The following ATP9A variants were observed in gnomAD, a reference collection of about 807,000 sequenced individuals.
ATP9A encodes the protein probable phospholipid-transporting ATPase IIA.
Under a neutral mutation model 144.1 loss-of-function variants are expected in ATP9A, and 52 were observed. The observed-to-expected ratio is 0.36, with a 90% CI of 0.29 to 0.45. The LOEUF (loss-of-function observed/expected upper bound fraction) is 0.45, where lower values mean the gene tolerates loss of function less well. Among genes scored for constraint, ATP9A ranks in the 20% least tolerant of loss-of-function variants. ATP9A has a pLI of 1.00. For synonymous variants in ATP9A, 582 were observed against 557.4 expected, an observed-to-expected ratio of 1.04 and a Z score of -0.62; for missense variants, 947 against 1,392.7, an observed-to-expected ratio of 0.68 and a Z score of 5.09.
intron 15 of ATP9A, among the ~76,000 whole-genome samples, chr20:51,631,214 T>G (rs947896348): frequency 7.2e-5 from 11 of 152,148 alleles, no homozygotes; most frequent in African/African-American, 2.4e-4. Flanking sequence ...CAAATGCCCC[T>G]TAATCACCAA....
At chr20:51,607,666 C>T (rs954538668) in intron 25 of ATP9A, 82 bp from the exon 26 acceptor site, 17 of 1,139,548 alleles carry the variant, frequency 1.5e-5, no homozygotes, top group Non-Finnish European at 2.1e-5. Context: ...GTTATTCTCC[C>T]GCTAACGAGA....
chr20:51,638,068 ATTTTATATATATATATAT>A (rs1442692779), intron 15 of ATP9A, among the ~76,000 whole-genome samples: 5 of 27,960 alleles, frequency 1.8e-4, no homozygotes, highest in Admixed American at 6.6e-4. Flanking sequence ...GCATTTCATC[ATTTTATATATATATATAT>A]ATATATATAT....
intron 13 of ATP9A, among the ~76,000 whole-genome samples, chr20:51,667,690 A>G (rs2077438476): frequency 1.3e-5 from 2 of 152,174 alleles, no homozygotes; most frequent in African/African-American, 2.4e-5. Flanking sequence ...GCTACTGTGC[A>G]GGGGGTCACG....
intron 3 of ATP9A, among the ~76,000 whole-genome samples, chr20:51,724,567 C>A (rs553836812): frequency 3.9e-5 from 6 of 152,360 alleles, no homozygotes; most frequent in African/African-American, 1.4e-4. Context: ...TATTCTGTTA[C>A]CTTCAGAGCA....
intron 14 of ATP9A, among the ~76,000 whole-genome samples, chr20:51,649,519 A>G (rs1360890353): frequency 6.6e-5 from 10 of 152,232 alleles, no homozygotes; most frequent in Non-Finnish European, 1.3e-4. Flanking sequence ...TACCACTGTT[A>G]TCACCATTAC....
chr20:51,625,467 G>T, intron 17 of ATP9A, 105 bp from the exon 18 acceptor site: 2 of 1,347,838 alleles, frequency 1.5e-6, no homozygotes, highest in Non-Finnish European at 2.0e-6. Flanking sequence ...CACCACACGG[G>T]GTGGGGGACC....
chr20:51,747,025 A>T (rs1011397619), intron 1 of ATP9A, among the ~76,000 whole-genome samples: 1 of 151,952 alleles, frequency 6.6e-6, no homozygotes, highest in Non-Finnish European at 1.5e-5. Context: ...AGAAAAGAAA[A>T]AGGAGTGGAA....
In ATP9A at chr20:51,674,150, T is replaced by C; in HGVS notation, c.1037+3A>G. 2 of 1,613,514 alleles carry C rather than the reference T, an allele frequency of 1.2e-6. No homozygotes were observed. The highest frequency in any genetic ancestry group is 1.7e-6 in the Non-Finnish European group (2 of 1,179,812). On this transcript the variant is annotated splice_donor_region_variant and intron_variant, in intron 11 of 27. Coordinates refer to ENST00000338821, the MANE Select transcript of ATP9A (RefSeq NM_006045.3). ...GCCAAACTCAAGCTCGTCGCCTGCT[T>C]ACCTAATGGGGATGATGTTGGAAAA...
At chr20:51,701,715 G>A (rs1008091881) in intron 4 of ATP9A, among the ~76,000 whole-genome samples, 83 of 152,246 alleles carry the variant, frequency 5.5e-4, no homozygotes, top group African/African-American at 1.9e-3. Flanking sequence ...TTTTAGCCAC[G>A]GTCATTCATT....
At chr20:51,613,959 T>A in intron 22 of ATP9A, 127 bp from the exon 23 acceptor site, 1 of 1,062,390 alleles carries the variant, frequency 9.4e-7, no homozygotes, top group Non-Finnish European at 1.3e-6. Context: ...ATTCTTTGGT[T>A]TCAAGCTATA....
At chr20:51,621,759 G>T (rs1168366284) in intron 19 of ATP9A, among the ~76,000 whole-genome samples, 1 of 152,116 alleles carries the variant, frequency 6.6e-6, no homozygotes, top group Non-Finnish European at 1.5e-5. Flanking sequence ...TCATGTGTAT[G>T]AGTGGATCTG....
At chr20:51,705,703 T>A (rs867451209) in intron 4 of ATP9A, among the ~76,000 whole-genome samples, 1 of 152,274 alleles carries the variant, frequency 6.6e-6, no homozygotes, top group African/African-American at 2.4e-5. Context: ...GCAAATCCCA[T>A]TTTCCTCACC....
rs2295004 is a variant in ATP9A at position 51,619,038 on chromosome 20, G to A, written c.2121C>T (p.Thr707=). ...NQDIHVFRLV[T]NRGEAHLELN... is the part of the protein sequence containing the mutation. ...GCTCGAGGTGAGCCTCCCCGCGGTT[G>A]GTCACCTGGAAGGGAACAGAGATGG... is the stretch of plus-strand genomic sequence containing the variant. Residue 707 remains threonine, a synonymous_variant, in exon 20 of 28, where the codon ACC becomes ACT. Coordinates refer to ENST00000338821, the MANE Select transcript of ATP9A (RefSeq NM_006045.3). 184,738 of 1,613,190 alleles carry A rather than the reference G, an allele frequency of 0.11. 11,952 individuals are homozygous for A. The highest frequency in any genetic ancestry group is 0.21 in the Admixed American group (12,654 of 59,974).
rs11477336 is a variant in ATP9A at position 51,658,888 on chromosome 20, CGGGGGGG to C, written c.1294-1745_1294-1739del. Among the ~76,000 whole-genome samples, 9 of 54,828 alleles carry C rather than the reference CGGGGGGG, an allele frequency of 1.6e-4. 2 individuals are homozygous for C. Among genetic ancestry groups the C allele is most frequent in the East Asian group, 6.8e-3 (2 of 294 alleles). The allele number at this position is 54,828 out of a possible 152,430, so 36.0% of individuals were successfully genotyped here. On this transcript the variant is annotated intron_variant, in intron 13 of 27. Transcript: ENST00000338821. ...ATATAATGAAAATTAAGACCACTGGCGGGGGGGGGGGGGGGAAGGCTCATTGTTGAAC... is the reference window on the plus strand; with the variant it reads ...ATATAATGAAAATTAAGACCACTGGCGGGGGGGGAAGGCTCATTGTTGAAC...
rs569450260 is a variant in ATP9A, at chr20:51,604,696, A to C, written c.3007+121T>G. ...AAACGTGGACAGCTGAGCGGGAAGGACTGCTGGAGGAAGAGCCCAGGCCGA... is the reference window on the plus strand; with the variant it reads ...AAACGTGGACAGCTGAGCGGGAAGGCCTGCTGGAGGAAGAGCCCAGGCCGA... On this transcript the variant is annotated intron_variant, in intron 27 of 27. Transcript: ENST00000338821. 3 of 852,660 alleles carry C rather than the reference A, an allele frequency of 3.5e-6. No individual in the cohort carries two copies. The South Asian group carries it at 8.4e-5, about 24-fold the overall frequency. 52.8% of individuals were successfully genotyped at this position (852,660 alleles called of 1,614,324 possible). A position where few individuals can be genotyped will look rare whatever the true frequency, so the allele number is the denominator to read the frequency against.
intron 1 of ATP9A, among the ~76,000 whole-genome samples, chr20:51,758,087 A>C (rs2077864070): frequency 6.6e-6 from 1 of 152,160 alleles, no homozygotes; most frequent in Non-Finnish European, 1.5e-5. Flanking sequence ...GTTTTCTTTA[A>C]ATTGACTGCC....
intron 14 of ATP9A, among the ~76,000 whole-genome samples, chr20:51,644,791 G>T (rs1394567435): frequency 2.5e-5 from 3 of 120,962 alleles, no homozygotes; most frequent in Non-Finnish European, 5.7e-5. Flanking sequence ...AAACACTTAT[G>T]GAAATGATTT....
intron 1 of ATP9A, among the ~76,000 whole-genome samples, 145 bp downstream of exon 1, chr20:51,768,142 GCAGGGACCCCCTCCC>G (rs2077913685): frequency 6.6e-6 from 1 of 151,738 alleles, no homozygotes. Context: ...GGGCTGAAGC[GCAGGGACCCCCTCCC>G]CACCTCCCCG....
At chr20:51,701,492 T>C (rs1304414241) in intron 4 of ATP9A, among the ~76,000 whole-genome samples, 1 of 152,230 alleles carries the variant, frequency 6.6e-6, no homozygotes. Flanking sequence ...GATCCATTCA[T>C]TTGAACTCTG....
Sources: gnomAD v4.1 joint callset for allele counts (sites outside exome capture counted in the v4.1 genomes callset) on GRCh38, gnomAD v4.1.1 for gene constraint, MANE v1.5 for transcripts, NCBI Gene and HGNC (gene_info 2026-07-23, HGNC 2026-07-21) for gene names.